TYW1: variants seen among roughly 807,000 people sequenced by gnomAD.
TYW1 encodes the protein tRNA-yW synthesizing protein 1 homolog, also known as S-adenosyl-L-methionine-dependent tRNA 4-demethylwyosine synthase TYW1.
A neutral mutation model predicts 96.2 loss-of-function variants in TYW1; 46 were observed. That is an observed-to-expected ratio of 0.48 (90% CI 0.38 to 0.61). The LOEUF is 0.61. Ranked by LOEUF, TYW1 falls within the 20% of genes least tolerant of loss-of-function variation. TYW1 has a pLI of 0.00. For synonymous variants in TYW1, 274 were observed against 323.0 expected (o/e 0.85, Z 1.63); for missense variants, 684 against 909.6 (o/e 0.75, Z 3.19).
intron 13 of TYW1, among the ~76,000 whole-genome samples, chr7:67,129,841 G>T (rs1798009539): frequency 6.6e-6 from 1 of 152,056 alleles, no homozygotes; most frequent in Non-Finnish European, 1.5e-5. Flanking sequence ...TATATTTTCT[G>T]GTTCTTTCCT....
chr7:67,072,992 C>G (rs1435231598), intron 10 of TYW1, among the ~76,000 whole-genome samples: 3 of 115,066 alleles, frequency 2.6e-5, no homozygotes, highest in Non-Finnish European at 5.0e-5. Context: ...CTATGTTTCT[C>G]AAGCTGGTCT....
At chr7:67,095,835 T>G (rs1796892878) in intron 11 of TYW1, among the ~76,000 whole-genome samples, 1 of 152,088 alleles carries the variant, frequency 6.6e-6, no homozygotes, top group Non-Finnish European at 1.5e-5. Flanking sequence ...TAAAATCACT[T>G]TCTGAAAACT....
chr7:67,174,454 G>T (rs1363849526), intron 13 of TYW1, among the ~76,000 whole-genome samples: 2 of 150,536 alleles, frequency 1.3e-5, no homozygotes, highest in Non-Finnish European at 1.5e-5. Flanking sequence ...CAATCTAGAA[G>T]TCTGTTCCCA....
intron 11 of TYW1, among the ~76,000 whole-genome samples, chr7:67,084,206 T>A (rs543722380): frequency 2.6e-5 from 4 of 152,248 alleles, no homozygotes; most frequent in African/African-American, 7.2e-5. Context: ...TAGTGGAAAG[T>A]CTTAAATAAT....
chr7:67,102,188 A>G (rs1797105714), intron 12 of TYW1, among the ~76,000 whole-genome samples: 1 of 152,226 alleles, frequency 6.6e-6, no homozygotes, highest in Non-Finnish European at 1.5e-5. Context: ...AAGATGTTTC[A>G]TTGTTTGATC....
intron 13 of TYW1, among the ~76,000 whole-genome samples, chr7:67,120,788 A>G (rs10224228): frequency 0.28 from 42,091 of 152,126 alleles, 6,672 homozygotes; most frequent in African/African-American, 0.44. Context: ...TTCTTACCTC[A>G]AAGTCACTAG....
chr7:67,043,151 G>A (rs1795082629), intron 7 of TYW1, among the ~76,000 whole-genome samples: 1 of 152,042 alleles, frequency 6.6e-6, no homozygotes, highest in African/African-American at 2.4e-5. Context: ...TTTGTCCATC[G>A]TCAGTTGGCT....
At chr7:67,054,287 T>C (rs538563435) in intron 8 of TYW1, among the ~76,000 whole-genome samples, 19 of 152,222 alleles carry the variant, frequency 1.2e-4, no homozygotes, top group African/African-American at 4.6e-4. Context: ...TTTTTTTCTT[T>C]ACCTAAATGC....
chr7:67,024,773 C>G lies in TYW1; in HGVS notation c.862-127C>G, dbSNP rs528728714. On this transcript the variant is annotated intron_variant, in intron 6 of 15. Coordinates refer to ENST00000359626, the MANE Select transcript of TYW1 (RefSeq NM_018264.4). Reference sequence around the variant, plus strand: ...TCCAGCCTGGGCGACAGAGCGAGACCCTGTCTCAAAGAAAAAAAAAAAAAA... The same window carrying G: ...TCCAGCCTGGGCGACAGAGCGAGACGCTGTCTCAAAGAAAAAAAAAAAAAA... 2.1e-6 allele frequency: 3 copies of G among 1,405,986 alleles called. No individual in the cohort carries two copies. The South Asian group carries it at 4.5e-5, about 21-fold the overall frequency. 87.1% of individuals were successfully genotyped at this position (1,405,986 alleles called of 1,614,324 possible).
rs1799108014 is a variant in TYW1 at position 67,159,933 on chromosome 7, TG to T, written c.1699-23190del. On this transcript the variant is annotated intron_variant, in intron 13 of 15. Coordinates refer to ENST00000359626, the MANE Select transcript of TYW1 (RefSeq NM_018264.4). Reference sequence around the variant, plus strand: ...CTCCTGCCTCAGCCTCCCAATTAGCTGGGACTACAGGCGCCCGCCACCACGC... The same window carrying T: ...CTCCTGCCTCAGCCTCCCAATTAGCTGGACTACAGGCGCCCGCCACCACGC... Among the ~76,000 whole-genome samples the T allele has an allele frequency of 2.0e-5, 3 of 151,484 alleles. No individual in the cohort carries two copies. The South Asian group carries it at 6.3e-4, about 32-fold the overall frequency.
chr7:67,052,294 T>C (rs1483661606), intron 8 of TYW1, among the ~76,000 whole-genome samples: 1 of 152,154 alleles, frequency 6.6e-6, no homozygotes, highest in Non-Finnish European at 1.5e-5. Flanking sequence ...TATGTAATAA[T>C]CTGCTTGAAT....
intron 15 of TYW1, among the ~76,000 whole-genome samples, chr7:67,205,805 TA>T (rs1800777732): frequency 6.6e-6 from 1 of 151,942 alleles, no homozygotes; most frequent in Non-Finnish European, 1.5e-5. Flanking sequence ...CTTTTTTTTT[TA>T]ATCCAATAAT....
chr7:67,037,801 A>G (rs1794888963), intron 7 of TYW1, among the ~76,000 whole-genome samples: 1 of 152,086 alleles, frequency 6.6e-6, no homozygotes. Context: ...CACTGTCTCT[A>G]TTAATAAAAA....
chr7:67,091,750 A>G (rs550950425), intron 11 of TYW1, among the ~76,000 whole-genome samples: 2 of 152,124 alleles, frequency 1.3e-5, no homozygotes, highest in African/African-American at 4.8e-5. Context: ...GGTTTTACAT[A>G]AGCTTTTCAA....
At chr7:67,103,504 AG>A (rs1228978326) in intron 12 of TYW1, among the ~76,000 whole-genome samples, 1 of 152,242 alleles carries the variant, frequency 6.6e-6, no homozygotes, top group Non-Finnish European at 1.5e-5. Context: ...GATAGTCTTC[AG>A]ACAGCCTTTA....
chr7:66,997,746 A>C (rs1362325536), intron 1 of TYW1, among the ~76,000 whole-genome samples: 2 of 147,558 alleles, frequency 1.4e-5, no homozygotes, highest in Non-Finnish European at 3.0e-5. Context: ...CTCCTGCCTC[A>C]GCCCCCCGAG....
At position 67,087,735 on chromosome 7, in the gene TYW1, GT is replaced by G. The variant is rs370164480; in HGVS notation, c.1384+4198del. Among the ~76,000 whole-genome samples, 11 of 152,294 alleles carry G rather than the reference GT, an allele frequency of 7.2e-5. No individual in the cohort carries two copies. The East Asian group carries it at 1.5e-3, about 21-fold the overall frequency. On this transcript the variant is annotated intron_variant, in intron 11 of 15. Coordinates refer to ENST00000359626, the MANE Select transcript of TYW1 (RefSeq NM_018264.4). ...ATATTTGTGCATTGATGTTCTTCAGGTTAGCAAAGCAGTTTTTCTTGAAGCT... is the reference window on the plus strand; with the variant it reads ...ATATTTGTGCATTGATGTTCTTCAGGTAGCAAAGCAGTTTTTCTTGAAGCT...
At chr7:67,053,154 T>G (rs907363928) in intron 8 of TYW1, among the ~76,000 whole-genome samples, 1 of 151,840 alleles carries the variant, frequency 6.6e-6, no homozygotes, top group Admixed American at 6.6e-5. Flanking sequence ...TATCTTACTT[T>G]TATGGCTTCT....
rs569881262 is a variant in TYW1, at chr7:67,203,570, C to T, written c.1977+8233C>T. On this transcript the variant is annotated intron_variant, in intron 15 of 15. Coordinates refer to ENST00000359626, the MANE Select transcript of TYW1 (RefSeq NM_018264.4). Reference sequence around the variant, plus strand: ...CTTTACCTCTCTTAAATCTCTTTTCCCTCCCTTACTTAGAATATCTTAGGT... The same window carrying T: ...CTTTACCTCTCTTAAATCTCTTTTCTCTCCCTTACTTAGAATATCTTAGGT... Among the ~76,000 whole-genome samples the T allele has an allele frequency of 1.4e-3, 210 of 152,258 alleles. 2 individuals carry two copies. Among genetic ancestry groups the T allele is most frequent in the African/African-American group, 4.8e-3 (200 of 41,548 alleles).
Sources: allele counts gnomAD v4.1 joint callset (sites outside exome capture counted in the v4.1 genomes callset), GRCh38; gene constraint gnomAD v4.1.1; transcripts MANE v1.5; gene names NCBI Gene and HGNC (gene_info 2026-07-23, HGNC 2026-07-21).